The following PPP2R2B variants were observed in gnomAD, a reference collection of about 807,000 sequenced individuals.
PPP2R2B encodes the protein protein phosphatase 2 regulatory subunit Bbeta, also known as serine/threonine-protein phosphatase 2A 55 kDa regulatory subunit B beta isoform.
Under a neutral mutation model 46.0 loss-of-function variants are expected in PPP2R2B, and 5 were observed. The ratio of observed to expected loss-of-function variants is 0.11; its 90% confidence interval spans 0.06 to 0.23. The LOEUF is 0.23. Ranked by LOEUF, PPP2R2B falls within the 10% of genes least tolerant of loss-of-function variation. The pLI is 1.00. For synonymous variants in PPP2R2B, 215 were observed against 206.7 expected (o/e 1.04, Z -0.34); for missense variants, 367 against 575.0 (o/e 0.64, Z 3.70).
intron 1 of PPP2R2B, among the ~76,000 whole-genome samples, chr5:146,918,931 C>T (rs555193500): frequency 4.6e-5 from 7 of 152,318 alleles, no homozygotes; most frequent in African/African-American, 1.7e-4. Context: ...TAGATTTAAC[C>T]TCTACGAAGG....
At chr5:146,796,261 G>A (rs377533872) in intron 2 of PPP2R2B, among the ~76,000 whole-genome samples, 3 of 152,112 alleles carry the variant, frequency 2.0e-5, no homozygotes, top group African/African-American at 4.8e-5. Context: ...GCTCCCATAC[G>A]TCCAAGTGTA....
intron 2 of PPP2R2B, among the ~76,000 whole-genome samples, chr5:146,810,077 A>G (rs980194576): frequency 3.9e-5 from 6 of 152,206 alleles, no homozygotes; most frequent in Admixed American, 3.9e-4. Flanking sequence ...TGTGTGCCAG[A>G]ACTGGTTTTG....
Position 146,959,749 on chromosome 5 carries a change from G to T in PPP2R2B, c.79+95916C>A, listed in dbSNP as rs537780642. Among the ~76,000 whole-genome samples the T allele has an allele frequency of 4.7e-4, 72 of 152,248 alleles. No individual in the cohort carries two copies. The South Asian group carries it at 0.015, about 32-fold the overall frequency. On this transcript the variant is annotated intron_variant, in intron 1 of 8. Transcript: ENST00000336640. ...ATGGGAGAAACAGACAAATAGACAA[G>T]AGCACTGTAAGTGAGTTGTTATGCT...
At chr5:146,929,618 A>G (rs193095081) in intron 1 of PPP2R2B, among the ~76,000 whole-genome samples, 1 of 152,350 alleles carries the variant, frequency 6.6e-6, no homozygotes, top group African/African-American at 2.4e-5. Flanking sequence ...AAAAGTTATG[A>G]GAAGTCCTAC....
At chr5:146,648,348 G>A (rs981526278) in intron 6 of PPP2R2B, among the ~76,000 whole-genome samples, 1 of 152,102 alleles carries the variant, frequency 6.6e-6, no homozygotes, top group Non-Finnish European at 1.5e-5. Flanking sequence ...GACTTCATAC[G>A]AAAATAATCT....
intron 2 of PPP2R2B, among the ~76,000 whole-genome samples, chr5:146,840,461 G>A (rs181622454): frequency 1.0e-3 from 158 of 152,210 alleles, no homozygotes; most frequent in African/African-American, 3.6e-3. Context: ...TCTTTTCCTT[G>A]TCTTCAGAAT....
Position 147,055,847 on chromosome 5 carries a change from G to A in PPP2R2B, c.-104C>T, listed in dbSNP as rs757646208. 4.0e-6 allele frequency: 6 copies of A among 1,489,644 alleles called. No individual in the cohort carries two copies. In the African/African-American group the frequency reaches 7.0e-5, roughly 17 times the overall value. 92.3% of individuals were successfully genotyped at this position (1,489,644 alleles called of 1,614,324 possible). A position where few individuals can be genotyped will look rare whatever the true frequency, so the allele number is the denominator to read the frequency against. On this transcript the variant is annotated 5_prime_UTR_variant, in exon 1 of 9. Coordinates refer to the PPP2R2B transcript ENST00000336640. ...GCTACATCACCAATATGTTTATGTA[G>A]GTTCTTTCCCAGATTTGCAAAGCTG...
intron 2 of PPP2R2B, among the ~76,000 whole-genome samples, chr5:146,721,414 T>C (rs1335323266): frequency 6.6e-6 from 1 of 152,152 alleles, no homozygotes; most frequent in Non-Finnish European, 1.5e-5. Flanking sequence ...AGAGGCTCTT[T>C]CAAAGGTAAG....
chr5:147,037,116 A>T (rs959047839), intron 1 of PPP2R2B, among the ~76,000 whole-genome samples: 8 of 151,930 alleles, frequency 5.3e-5, no homozygotes, highest in Non-Finnish European at 1.2e-4. Flanking sequence ...GAGTTTAACC[A>T]CTCCAGCATA....
chr5:146,784,611 A>G (rs1020024138), intron 2 of PPP2R2B, among the ~76,000 whole-genome samples: 1 of 152,202 alleles, frequency 6.6e-6, no homozygotes, highest in Non-Finnish European at 1.5e-5. Context: ...TATAATATAT[A>G]CAGTCTGTAG....
intron 2 of PPP2R2B, among the ~76,000 whole-genome samples, chr5:146,748,990 T>A (rs900863917): frequency 1.3e-5 from 2 of 152,230 alleles, no homozygotes; most frequent in African/African-American, 4.8e-5. Context: ...TTTTCCAGAA[T>A]TTTTTCCCTA....
chr5:146,606,510 T>C (rs1772282904), intron 7 of PPP2R2B, among the ~76,000 whole-genome samples: 2 of 152,206 alleles, frequency 1.3e-5, no homozygotes, highest in South Asian at 2.1e-4. Flanking sequence ...GTAGTACCTA[T>C]GTTCTAGGGC....
At chr5:146,711,993 T>C (rs1303720295) in intron 2 of PPP2R2B, among the ~76,000 whole-genome samples, 1 of 152,194 alleles carries the variant, frequency 6.6e-6, no homozygotes, top group Non-Finnish European at 1.5e-5. Flanking sequence ...AATTGAACAC[T>C]AAATACAATG....
chr5:146,814,838 C>T (rs567048513), intron 2 of PPP2R2B, among the ~76,000 whole-genome samples: 20 of 152,204 alleles, frequency 1.3e-4, no homozygotes, highest in Admixed American at 3.9e-4. Context: ...AGTCAAACTG[C>T]GCACTTGATC....
At chr5:146,816,353 T>C (rs1338015048) in intron 2 of PPP2R2B, among the ~76,000 whole-genome samples, 1 of 152,282 alleles carries the variant, frequency 6.6e-6, no homozygotes, top group East Asian at 1.9e-4. Context: ...TGAGCCATGA[T>C]TGCACTACTG....
chr5:146,648,447 A>G (rs1775727303), intron 6 of PPP2R2B, among the ~76,000 whole-genome samples: 1 of 152,146 alleles, frequency 6.6e-6, no homozygotes, highest in African/African-American at 2.4e-5. Flanking sequence ...TCCAGGTTAG[A>G]TTTTATGAAC....
At chr5:146,847,115 T>A (rs572331620) in intron 2 of PPP2R2B, among the ~76,000 whole-genome samples, 1 of 152,318 alleles carries the variant, frequency 6.6e-6, no homozygotes, top group East Asian at 1.9e-4. Flanking sequence ...CACCGTAATC[T>A]CTCAACTGAT....
In PPP2R2B at chr5:146,877,606, T is replaced by G. The variant is rs1392116202; in HGVS notation, c.70+396A>C. Among the ~76,000 whole-genome samples the G allele has an allele frequency of 2.6e-5, 4 of 151,886 alleles. No homozygotes were observed. The East Asian group carries it at 5.8e-4, about 22-fold the overall frequency. ...CCCTCCCTGCAGCCACTGAGAGACA[T>G]AACATCGTTTCGCTCAGGGAGGGGG... On this transcript the variant is annotated intron_variant, in intron 2 of 9. Transcript: ENST00000394411.
intron 2 of PPP2R2B, among the ~76,000 whole-genome samples, chr5:147,077,639 G>T (rs1757829083): frequency 6.6e-6 from 1 of 152,118 alleles, no homozygotes; most frequent in South Asian, 2.1e-4. Context: ...CTTCCATTGA[G>T]GCAGTGCTAG....
Sources: allele counts gnomAD v4.1 joint callset (sites outside exome capture counted in the v4.1 genomes callset), GRCh38; gene constraint gnomAD v4.1.1; transcripts MANE v1.5; gene names NCBI Gene and HGNC (gene_info 2026-07-23, HGNC 2026-07-21).